Variants in CIB4 observed in about 807,000 individuals in gnomAD.
CIB4 encodes calcium and integrin-binding family member 4.
CIB4 carries 25 observed loss-of-function variants against 25.8 expected under a neutral mutation model. The observed-to-expected ratio is 0.97, with a 90% confidence interval of 0.71 to 1.35. The LOEUF (loss-of-function observed/expected upper bound fraction) is 1.35, where lower values mean the gene tolerates loss of function less well. Ranked by LOEUF, CIB4 falls within the 40% of genes most tolerant of loss-of-function variation. CIB4 has a pLI of 0.00. For synonymous variants in CIB4, 75 were observed against 81.4 expected (o/e 0.92, Z 0.42); for missense variants, 235 against 228.2 (o/e 1.03, Z -0.19).
At chr2:26,601,364 C>T (rs939316436) in intron 3 of CIB4, among the ~76,000 whole-genome samples, 6 of 151,106 alleles carry the variant, frequency 4.0e-5, no homozygotes, top group African/African-American at 1.5e-4. Context: ...GAAACAGACC[C>T]ACACATATAT....
intron 2 of CIB4, among the ~76,000 whole-genome samples, chr2:26,632,951 C>A (rs192626717): frequency 6.6e-6 from 1 of 151,900 alleles, no homozygotes; most frequent in Admixed American, 6.6e-5. Context: ...CCTAAGGCAA[C>A]GCACAAGTGA....
intron 4 of CIB4, among the ~76,000 whole-genome samples, chr2:26,587,461 A>T (rs924393859): frequency 1.3e-5 from 2 of 152,126 alleles, no homozygotes; most frequent in Admixed American, 6.5e-5. Context: ...ACCAAATTTA[A>T]TCCTAATTCA....
At chr2:26,587,643 A>G (rs1278525199) in intron 4 of CIB4, among the ~76,000 whole-genome samples, 1 of 152,238 alleles carries the variant, frequency 6.6e-6, no homozygotes, top group Non-Finnish European at 1.5e-5. Flanking sequence ...ATATCTAATA[A>G]GCATCTTCTA....
chr2:26,617,119 A>AGTGTGTGTGTGTGT (rs1244289106), intron 3 of CIB4, among the ~76,000 whole-genome samples: 2 of 36,292 alleles, frequency 5.5e-5, no homozygotes, highest in Non-Finnish European at 6.7e-5. Context: ...AAGAGCATGG[A>AGTGTGTGTGTGTGT]ATGTGTGTGT....
At chr2:26,604,637 A>G (rs1003692576) in intron 3 of CIB4, among the ~76,000 whole-genome samples, 1 of 152,240 alleles carries the variant, frequency 6.6e-6, no homozygotes, top group African/African-American at 2.4e-5. Flanking sequence ...AACCTGGGTG[A>G]ATGCATCAGC....
At chr2:26,608,257 A>AC (rs1668930549) in intron 3 of CIB4, among the ~76,000 whole-genome samples, 1 of 119,948 alleles carries the variant, frequency 8.3e-6, no homozygotes, top group South Asian at 2.8e-4. Flanking sequence ...AAAAAAAAAA[A>AC]GGAGAGTGGG....
At chr2:26,602,051 T>C (rs1039821319) in intron 3 of CIB4, among the ~76,000 whole-genome samples, 1 of 152,208 alleles carries the variant, frequency 6.6e-6, no homozygotes, top group Non-Finnish European at 1.5e-5. Context: ...GTGGTGCAGA[T>C]AGAAGCCATG....
chr2:26,595,524 T>C (rs1572545926), intron 3 of CIB4, among the ~76,000 whole-genome samples: 1 of 152,362 alleles, frequency 6.6e-6, no homozygotes, highest in East Asian at 1.9e-4. Context: ...GTTGGATATG[T>C]GACTTCACAA....
intron 3 of CIB4, among the ~76,000 whole-genome samples, chr2:26,597,354 A>C (rs1668699764): frequency 6.6e-6 from 1 of 152,192 alleles, no homozygotes; most frequent in Non-Finnish European, 1.5e-5. Flanking sequence ...ATGGGGTTGA[A>C]AATGAGTGCC....
rs761050636 is a variant in CIB4, at chr2:26,627,157, C to T, written c.186+2253G>A. Among the ~76,000 whole-genome samples, 7 of 152,222 alleles carry T rather than the reference C, an allele frequency of 4.6e-5. No homozygotes were observed. Among genetic ancestry groups the T allele is most frequent in the African/African-American group, 7.2e-5 (3 of 41,528 alleles). On this transcript the variant is annotated intron_variant, in intron 3 of 6. Transcript: ENST00000288861. The surrounding 1 kb of genome is among the most constrained non-coding windows in gnomAD (Gnocchi z 4.0). ...CACCCTCTATGCCACCCCTCCAGTT[C>T]GGCTCCCCTTGGGCCCTCTGTGGCA...
At chr2:26,591,900 A>G in intron 4 of CIB4, among the ~76,000 whole-genome samples, 1 of 152,236 alleles carries the variant, frequency 6.6e-6, no homozygotes. Context: ...AATTCTGCCA[A>G]CAACGTGGGC....
At chr2:26,591,116 G>T (rs923095990) in intron 4 of CIB4, among the ~76,000 whole-genome samples, 1 of 152,236 alleles carries the variant, frequency 6.6e-6, no homozygotes, top group Non-Finnish European at 1.5e-5. Flanking sequence ...GACGTCTTTT[G>T]TGGCCTCTGC....
intron 6 of CIB4, among the ~76,000 whole-genome samples, 173 bp from the exon 7 acceptor site, chr2:26,581,566 T>C (rs1159387886): frequency 6.6e-6 from 1 of 152,144 alleles, no homozygotes; most frequent in East Asian, 1.9e-4. Context: ...TTCTTTAAGC[T>C]TCTTTCAGCA....
At chr2:26,612,763 C>T (rs12988344) in intron 3 of CIB4, among the ~76,000 whole-genome samples, 33,517 of 152,114 alleles carry the variant, frequency 0.22, 4,085 homozygotes, top group East Asian at 0.5. Context: ...AGCTGCTCCC[C>T]GTGACGACTT....
chr2:26,583,503 G>T (rs1668391423), intron 5 of CIB4, among the ~76,000 whole-genome samples: 1 of 152,140 alleles, frequency 6.6e-6, no homozygotes, highest in Admixed American at 6.5e-5. Context: ...CCTCGAGTGG[G>T]TGGGTCGGGC....
At chr2:26,593,188 G>A (rs941239126) in intron 4 of CIB4, among the ~76,000 whole-genome samples, 2 of 152,080 alleles carry the variant, frequency 1.3e-5, no homozygotes, top group South Asian at 2.1e-4. Context: ...TTATGCTACC[G>A]CCTTTCCTAG....
chr2:26,623,536 G>A (rs1669243773), intron 3 of CIB4: 1 of 471,582 alleles, frequency 2.1e-6, no homozygotes, highest in South Asian at 1.5e-5. Flanking sequence ...GACTCAGAAA[G>A]GCTCGGAAAA....
intron 3 of CIB4, among the ~76,000 whole-genome samples, chr2:26,605,209 A>T (rs1250795029): frequency 1.3e-5 from 2 of 152,238 alleles, no homozygotes; most frequent in African/African-American, 4.8e-5. Context: ...AACATATGAA[A>T]ATTTGTGGTA....
chr2:26,599,740 A>C (rs1053657052), intron 3 of CIB4, among the ~76,000 whole-genome samples: 1 of 151,954 alleles, frequency 6.6e-6, no homozygotes, highest in Non-Finnish European at 1.5e-5. Context: ...TTCTAATCAT[A>C]CTTTATTTTG....
Sources: allele counts gnomAD v4.1 joint callset (sites outside exome capture counted in the v4.1 genomes callset), GRCh38; gene constraint gnomAD v4.1.1; non-coding constraint Gnocchi (gnomAD v3.1); transcripts MANE v1.5; gene names NCBI Gene and HGNC (gene_info 2026-07-23, HGNC 2026-07-21).